The following SLC25A51 variants were observed in gnomAD, a reference collection of about 807,000 sequenced individuals.
SLC25A51 encodes the protein solute carrier family 25 member 51, also known as mitochondrial nicotinamide adenine dinucleotide transporter SLC25A51.
SLC25A51 carries 11 observed loss-of-function variants against 19.1 expected under a neutral mutation model. The ratio of observed to expected loss-of-function variants is 0.58; its 90% CI spans 0.36 to 0.96. The LOEUF (loss-of-function observed/expected upper bound fraction) is 0.96, where lower values mean the gene tolerates loss of function less well. SLC25A51 is among the 40% of genes least tolerant of loss of function. The pLI is 0.01. For synonymous variants in SLC25A51, 105 were observed against 133.6 expected, an observed-to-expected ratio of 0.79 and a Z score of 1.47; for missense variants, 201 against 365.4, an observed-to-expected ratio of 0.55 and a Z score of 3.67.
downstream of SLC25A51, chr9:37,887,549 C>G: frequency 5.2e-6 from 7 of 1,340,544 alleles, no homozygotes; most frequent in Non-Finnish European, 7.0e-6. Context: ...TGATGGCTTT[C>G]CATAATAAGA....
downstream of SLC25A51, among the ~76,000 whole-genome samples, chr9:37,884,648 A>G (rs1207312178): frequency 6.6e-6 from 1 of 152,210 alleles, no homozygotes; most frequent in Non-Finnish European, 1.5e-5. Flanking sequence ...AGAGAACAGG[A>G]TGCTTGAATA....
At chr9:37,883,255 A>G (rs1831383811), downstream of SLC25A51, among the ~76,000 whole-genome samples, 1 of 152,258 alleles carries the variant, frequency 6.6e-6, no homozygotes, top group Non-Finnish European at 1.5e-5. Flanking sequence ...GCTGTTGGTT[A>G]CAAGTTCTGC....
intron 1 of SLC25A51, among the ~76,000 whole-genome samples, chr9:37,903,356 G>A (rs1174608711): frequency 6.6e-6 from 1 of 152,182 alleles, no homozygotes; most frequent in South Asian, 2.1e-4. Flanking sequence ...AGGTTTTGCA[G>A]GAAGTTGAGG....
chr9:37,886,082 G>T, downstream of SLC25A51: 26 of 1,557,574 alleles, frequency 1.7e-5, no homozygotes, highest in South Asian at 2.9e-4. Flanking sequence ...TGGGACGGTG[G>T]ATGCTGGACG....
chr9:37,888,236 T>C lies in SLC25A51; in HGVS notation c.315A>G (p.Leu105=). ...LALMFGLYED[L]SCLLHKHVSA... ...TGACATGCTTGTGGAGAAGGCAGGA[T>C]AAATCCTCATACAGACCAAACATAA... is the stretch of plus-strand genomic sequence containing the variant. Residue 105 remains leucine, a synonymous_variant, in exon 3 of 3, where the codon TTA becomes TTG. Transcript: ENST00000242275. 2 of 1,614,210 alleles carry C rather than the reference T, an allele frequency of 1.2e-6. No homozygotes were observed. Among genetic ancestry groups the C allele is most frequent in the Non-Finnish European group, 1.7e-6 (2 of 1,180,036 alleles).
At chr9:37,894,396 G>A (rs555274227) in intron 2 of SLC25A51, among the ~76,000 whole-genome samples, 4 of 150,140 alleles carry the variant, frequency 2.7e-5, no homozygotes, top group African/African-American at 7.4e-5. Flanking sequence ...GTGCGATCTC[G>A]GCTCACTGCA....
chr9:37,895,885 C>T (rs1335968154), intron 2 of SLC25A51, among the ~76,000 whole-genome samples: 3 of 151,406 alleles, frequency 2.0e-5, no homozygotes, highest in Non-Finnish European at 1.5e-5. Context: ...ATGATCTCGG[C>T]TCACTGCAAC....
intron 2 of SLC25A51, among the ~76,000 whole-genome samples, chr9:37,897,740 G>A (rs989528559): frequency 4.0e-5 from 6 of 151,884 alleles, no homozygotes; most frequent in Admixed American, 2.6e-4. Flanking sequence ...TTATCATTAA[G>A]TTGGCTTTCG....
downstream of SLC25A51, chr9:37,886,420 T>C: frequency 2.6e-6 from 4 of 1,557,418 alleles, no homozygotes; most frequent in South Asian, 1.3e-5. Flanking sequence ...CTTCCTCTCC[T>C]GTCAATTCCA....
chr9:37,903,005 A>C (rs1233417643), intron 1 of SLC25A51, among the ~76,000 whole-genome samples: 2 of 152,232 alleles, frequency 1.3e-5, no homozygotes, highest in Non-Finnish European at 2.9e-5. Context: ...TTGCCAATAT[A>C]AAGACAAAGC....
chr9:37,892,632 G>C (rs750466943), intron 2 of SLC25A51, among the ~76,000 whole-genome samples: 24 of 150,842 alleles, frequency 1.6e-4, no homozygotes, highest in Admixed American at 6.6e-5. Flanking sequence ...GAATGCAGTA[G>C]TGCAATCTTG....
chr9:37,897,976 C>T (rs1831757747), intron 2 of SLC25A51, among the ~76,000 whole-genome samples: 1 of 152,162 alleles, frequency 6.6e-6, no homozygotes, highest in African/African-American at 2.4e-5. Context: ...CTTCCTTCTG[C>T]TATCACATAA....
At chr9:37,880,267 T>G (rs1831324840) in exon 4 of SLC25A51, 1 of 149,954 alleles carries the variant, frequency 6.7e-6, no homozygotes, top group Admixed American at 6.6e-5. Flanking sequence ...GAGCCAAGAT[T>G]TCACCACTGC....
At chr9:37,903,421 C>T (rs1053811019) in intron 1 of SLC25A51, 3 of 152,262 alleles carry the variant, frequency 2.0e-5, no homozygotes, top group Non-Finnish European at 4.4e-5. Context: ...TGGAGACTAA[C>T]ACCACCAACA....
At chr9:37,882,220 G>A (rs551473804) in intron 2 of SLC25A51, among the ~76,000 whole-genome samples, 28 of 152,286 alleles carry the variant, frequency 1.8e-4, no homozygotes, top group African/African-American at 5.8e-4. Context: ...TAATTTAAAA[G>A]AGACCAAGTC....
downstream of SLC25A51, among the ~76,000 whole-genome samples, chr9:37,885,015 T>G (rs1250087074): frequency 6.6e-6 from 1 of 152,186 alleles, no homozygotes; most frequent in Admixed American, 6.6e-5. Context: ...ATACAAGCAA[T>G]TTATCATGAA....
intron 2 of SLC25A51, among the ~76,000 whole-genome samples, chr9:37,892,859 C>A (rs1035607960): frequency 6.6e-6 from 1 of 152,112 alleles, no homozygotes; most frequent in Middle Eastern, 3.2e-3. Context: ...ACTGCCTCAG[C>A]CTCCCAAGTA....
At chr9:37,891,034 T>C (rs538893736) in intron 2 of SLC25A51, among the ~76,000 whole-genome samples, 1 of 152,242 alleles carries the variant, frequency 6.6e-6, no homozygotes, top group African/African-American at 2.4e-5. Flanking sequence ...GTAGAAAGCG[T>C]AGAGCTGAGG....
chr9:37,890,645 G>A lies in SLC25A51; in HGVS notation c.-42-2053C>T, dbSNP rs1464025716. ...CAGGAAGTTCAGGCTGCAGTGAGCTGTGTTCATGTCACTGCGTTCCAGCCT... is the reference window on the plus strand; with the variant it reads ...CAGGAAGTTCAGGCTGCAGTGAGCTATGTTCATGTCACTGCGTTCCAGCCT... On this transcript the variant is annotated intron_variant, in intron 2 of 2. Coordinates refer to ENST00000242275, the MANE Select transcript of SLC25A51 (RefSeq NM_033412.4). Among the ~76,000 whole-genome samples, 4 of 151,762 alleles carry A rather than the reference G, an allele frequency of 2.6e-5. No individual in the cohort carries two copies. The East Asian group carries it at 7.7e-4, about 29-fold the overall frequency.
Sources: allele counts gnomAD v4.1 joint callset (sites outside exome capture counted in the v4.1 genomes callset), GRCh38; gene constraint gnomAD v4.1.1; transcripts MANE v1.5; gene names NCBI Gene and HGNC (gene_info 2026-07-23, HGNC 2026-07-21).